Variants in RPTOR observed in about 807,000 individuals in gnomAD.
RPTOR encodes the protein regulatory-associated protein of mTOR.
Under a neutral mutation model 169.9 loss-of-function variants are expected in RPTOR, and 21 were observed. The ratio of observed to expected loss-of-function variants is 0.12; its 90% CI spans 0.09 to 0.18. RPTOR has a LOEUF of 0.18. Ranked by LOEUF, RPTOR falls within the 10% of genes least tolerant of loss-of-function variation. RPTOR has a pLI of 1.00. For missense variants in RPTOR, 1,133 were observed against 1,855.9 expected (o/e 0.61, Z 7.16); for synonymous variants, 732 against 753.2 (o/e 0.97, Z 0.46).
intron 3 of RPTOR, among the ~76,000 whole-genome samples, chr17:80,694,063 T>G (rs4889784): frequency 0.25 from 38,117 of 152,252 alleles, 5,986 homozygotes; most frequent in Admixed American, 0.43. Context: ...TAAAGAGCGC[T>G]GTCAAGAATG....
intron 6 of RPTOR, among the ~76,000 whole-genome samples, chr17:80,757,007 C>T (rs1389945128): frequency 6.6e-6 from 1 of 152,112 alleles, no homozygotes; most frequent in African/African-American, 2.4e-5. Context: ...AGACAGGACC[C>T]ATAGCAGGAG....
intron 17 of RPTOR, among the ~76,000 whole-genome samples, chr17:80,888,845 A>T (rs978731306): frequency 2.0e-5 from 3 of 152,036 alleles, no homozygotes; most frequent in African/African-American, 7.2e-5. Flanking sequence ...GCTGGGTGTG[A>T]GAGTGGTGGG....
intron 5 of RPTOR, among the ~76,000 whole-genome samples, chr17:80,738,384 C>T (rs562062060): frequency 1.9e-4 from 29 of 152,340 alleles, no homozygotes; most frequent in African/African-American, 4.6e-4. Flanking sequence ...GTGGTTTGCA[C>T]GGGGAGATAA....
chr17:80,961,359 G>T, intron 30 of RPTOR, 35 bp from the exon 31 acceptor site: 1 of 1,530,082 alleles, frequency 6.5e-7, no homozygotes. Flanking sequence ...GTCCTTCAGG[G>T]AAGCCCCACG....
intron 28 of RPTOR, 21 bp downstream of exon 28, chr17:80,949,568 C>T: frequency 6.3e-7 from 1 of 1,598,840 alleles, no homozygotes; most frequent in Non-Finnish European, 8.6e-7. Context: ...CCGGCTCCTC[C>T]CCAGAGCAGA....
intron 9 of RPTOR, among the ~76,000 whole-genome samples, chr17:80,825,374 G>A (rs1214923238): frequency 1.3e-5 from 2 of 152,240 alleles, no homozygotes; most frequent in Admixed American, 6.5e-5. Flanking sequence ...TTGGCACAGG[G>A]CAGCCACATC....
chr17:80,871,109 A>G (rs2068046822), intron 13 of RPTOR, among the ~76,000 whole-genome samples: 2 of 149,908 alleles, frequency 1.3e-5, no homozygotes, highest in Admixed American at 6.7e-5. Context: ...GATTTGCCCA[A>G]TTTTTTTTTC....
chr17:80,563,565 C>CAAAAAAAAAAAAAAAAAAAAAAAAAA (rs10649649), intron 1 of RPTOR, among the ~76,000 whole-genome samples: 1 of 94,202 alleles, frequency 1.1e-5, no homozygotes, highest in Non-Finnish European at 2.0e-5. Flanking sequence ...ACTAAGTCTC[C>CAAAAAAAAAAAAAAAAAAAAAAAAAA]AAAAAAAAAA....
intron 13 of RPTOR, among the ~76,000 whole-genome samples, chr17:80,865,377 A>C (rs55680637): frequency 6.6e-6 from 1 of 152,200 alleles, no homozygotes; most frequent in East Asian, 1.9e-4. Context: ...GAAGAGCAAG[A>C]AAAAACCATA....
At chr17:80,674,657 C>T (rs1283444807) in intron 3 of RPTOR, among the ~76,000 whole-genome samples, 1 of 151,790 alleles carries the variant, frequency 6.6e-6, no homozygotes, top group South Asian at 2.1e-4. Context: ...AATTGGTGGC[C>T]GGCGCCTGTA....
At chr17:80,693,589 G>A (rs952462375) in intron 3 of RPTOR, among the ~76,000 whole-genome samples, 3 of 152,202 alleles carry the variant, frequency 2.0e-5, no homozygotes. Flanking sequence ...GGGCAGACAC[G>A]TGTTGAGAAC....
chr17:80,613,935 C>T (rs1293829034), intron 1 of RPTOR, among the ~76,000 whole-genome samples: 2 of 152,220 alleles, frequency 1.3e-5, no homozygotes, highest in African/African-American at 2.4e-5. Flanking sequence ...CAGATGTGGC[C>T]GTGCTGAGTG....
chr17:80,810,023 A>G (rs1044833261), intron 7 of RPTOR, among the ~76,000 whole-genome samples: 2 of 151,930 alleles, frequency 1.3e-5, no homozygotes, highest in Non-Finnish European at 2.9e-5. Context: ...ACTTCAACCT[A>G]GACAACAGAG....
At position 80,860,684 on chromosome 17, in the gene RPTOR, C is replaced by G. The variant is rs1369055777; in HGVS notation, c.1509+2784C>G. Among the ~76,000 whole-genome samples, 2 of 152,080 alleles carry G rather than the reference C, an allele frequency of 1.3e-5. No homozygotes were observed. Among genetic ancestry groups the G allele is most frequent in the African/African-American group, 4.8e-5 (2 of 41,406 alleles). On this transcript the variant is annotated intron_variant, in intron 13 of 33. Coordinates refer to ENST00000306801, the MANE Select transcript of RPTOR (RefSeq NM_020761.3). This position sits in a 1 kb window ranked among gnomAD's most constrained non-coding sequence, Gnocchi z 5.8. Reference sequence around the variant, plus strand: ...TGACCTCTCGCTGGTTCCGCTGATTCTTGTAGATTCCCTGGGATTTTCTGC... The same window carrying G: ...TGACCTCTCGCTGGTTCCGCTGATTGTTGTAGATTCCCTGGGATTTTCTGC...
chr17:80,674,327 A>G (rs11150738), intron 3 of RPTOR, among the ~76,000 whole-genome samples: 25,429 of 152,148 alleles, frequency 0.17, 2,477 homozygotes, highest in East Asian at 0.24. Context: ...TGTACATTTC[A>G]CCTTTCCGGA....
chr17:80,958,705 G>T (rs1022342368), intron 29 of RPTOR, among the ~76,000 whole-genome samples: 1 of 152,082 alleles, frequency 6.6e-6, no homozygotes, highest in Non-Finnish European at 1.5e-5. Flanking sequence ...GAGCCACTGC[G>T]CCCGGCCAGA....
intron 1 of RPTOR, among the ~76,000 whole-genome samples, chr17:80,550,582 C>T (rs1226976417): frequency 1.3e-5 from 2 of 152,182 alleles, no homozygotes; most frequent in Admixed American, 1.3e-4. Flanking sequence ...CTACTGCCTG[C>T]TTTTTCTTAG....
chr17:80,885,197 C>T (rs558026221), intron 17 of RPTOR, 49 bp downstream of exon 17: 66 of 1,538,984 alleles, frequency 4.3e-5, no homozygotes, highest in Middle Eastern at 3.5e-4. Flanking sequence ...GGCTGGACCC[C>T]GTGACACCTG....
chr17:80,840,238 T>G (rs1278846857), intron 10 of RPTOR, among the ~76,000 whole-genome samples: 1 of 152,098 alleles, frequency 6.6e-6, no homozygotes, highest in Non-Finnish European at 1.5e-5. Flanking sequence ...GGTGTAGTCT[T>G]TGTGCCTGCC....
Sources: allele counts gnomAD v4.1 joint callset (sites outside exome capture counted in the v4.1 genomes callset), GRCh38; gene constraint gnomAD v4.1.1; non-coding constraint Gnocchi (gnomAD v3.1); transcripts MANE v1.5; gene names NCBI Gene and HGNC (gene_info 2026-07-23, HGNC 2026-07-21).